Variants in CEACAM19 observed in about 807,000 individuals in gnomAD.
The protein encoded by CEACAM19 is CEA cell adhesion molecule 19, also known as cell adhesion molecule CEACAM19.
In CEACAM19, 37 loss-of-function variants were observed where a neutral mutation model predicts 37.6. The ratio of observed to expected loss-of-function variants is 0.98; its 90% confidence interval spans 0.76 to 1.29. The LOEUF is 1.29. Ranked by LOEUF, CEACAM19 falls within the 50% of genes most tolerant of loss-of-function variation. The probability of loss-of-function intolerance (pLI) is 0.00; values close to 1 mark genes in which losing one functional copy is unlikely to be tolerated. For synonymous variants in CEACAM19, 140 were observed against 149.8 expected, an observed-to-expected ratio of 0.93 and a Z score of 0.48; for missense variants, 340 against 375.6, an observed-to-expected ratio of 0.91 and a Z score of 0.78.
upstream of CEACAM19, among the ~76,000 whole-genome samples, chr19:44,669,939 T>C (rs1973827875): frequency 6.6e-6 from 1 of 152,056 alleles, no homozygotes; most frequent in East Asian, 1.9e-4. Flanking sequence ...GCAGAGGTGG[T>C]CTCAATCATC....
upstream of CEACAM19, among the ~76,000 whole-genome samples, chr19:44,668,751 TA>T (rs1192962020): frequency 0.03 from 2,856 of 96,676 alleles, 465 homozygotes; most frequent in African/African-American, 0.15. Flanking sequence ...TAATATAATA[TA>T]ATATAATATA....
chr19:44,680,683 C>G (rs1371953039), intron 5 of CEACAM19, among the ~76,000 whole-genome samples: 1 of 152,220 alleles, frequency 6.6e-6, no homozygotes, highest in Non-Finnish European at 1.5e-5. Context: ...CAAGGTCTTT[C>G]TAAAATTCTG....
chr19:44,674,746 A>G (rs1312404380), intron 2 of CEACAM19, among the ~76,000 whole-genome samples: 2 of 152,180 alleles, frequency 1.3e-5, no homozygotes, highest in African/African-American at 4.8e-5. Flanking sequence ...GAATAGAAAA[A>G]ATTTTACAGA....
upstream of CEACAM19, among the ~76,000 whole-genome samples, chr19:44,666,674 A>G (rs565422683): frequency 1.3e-5 from 2 of 152,180 alleles, no homozygotes; most frequent in African/African-American, 4.8e-5. Context: ...TGTCAGGTGG[A>G]TTCTGAGGGT....
upstream of CEACAM19, among the ~76,000 whole-genome samples, chr19:44,666,531 G>T (rs1319326306): frequency 1.3e-5 from 2 of 152,158 alleles, no homozygotes; most frequent in East Asian, 1.9e-4. Flanking sequence ...TAAGCCGGGC[G>T]TGGTGGCGTG....
chr19:44,675,613 C>T (rs1973934593), intron 2 of CEACAM19, among the ~76,000 whole-genome samples: 1 of 151,866 alleles, frequency 6.6e-6, no homozygotes, highest in South Asian at 2.1e-4. Context: ...TAGTGACACC[C>T]CTTCTTTACA....
intron 4 of CEACAM19, among the ~76,000 whole-genome samples, chr19:44,679,601 T>C (rs553077593): frequency 2.0e-4 from 31 of 152,088 alleles, no homozygotes; most frequent in Middle Eastern, 3.4e-3. Context: ...TACAAAAAAT[T>C]AGCCGGGCAT....
At chr19:44,681,986 T>A (rs1974069949) in intron 6 of CEACAM19, among the ~76,000 whole-genome samples, 1 of 151,502 alleles carries the variant, frequency 6.6e-6, no homozygotes, top group Non-Finnish European at 1.5e-5. Context: ...CTGGGCATGA[T>A]GGCTCTACAC....
At chr19:44,680,238 C>A (rs113730599) in intron 4 of CEACAM19, 50 bp from the exon 5 acceptor site, 117 of 1,492,378 alleles carry the variant, frequency 7.8e-5, no homozygotes, top group Admixed American at 1.7e-4. Context: ...TCTCTCCCCC[C>A]GCCTGAGTGT....
At chr19:44,674,972 G>A (rs1973920804) in intron 2 of CEACAM19, among the ~76,000 whole-genome samples, 1 of 152,070 alleles carries the variant, frequency 6.6e-6, no homozygotes, top group Non-Finnish European at 1.5e-5. Context: ...GGTGGCCTGG[G>A]TATGATCCCA....
chr19:44,672,645 C>T lies in CEACAM19; in HGVS notation c.105C>T (p.Tyr35=), dbSNP rs367575323. ...TCCAAGGCTCCCAGGCAGCTCTCTA[C>T]ATCCAGAAGATTCCAGAGCAGCCTC... ...WMLQGSQAAL[Y]IQKIPEQPQK... Residue 35 remains tyrosine (Y), a synonymous_variant, in exon 2 of 8, where the codon TAC becomes TAT. Transcript: ENST00000358777. 17 of 1,507,360 alleles carry T rather than the reference C, an allele frequency of 1.1e-5. No homozygotes were observed. Among genetic ancestry groups the T allele is most frequent in the African/African-American group, 4.2e-5 (3 of 71,354 alleles). The allele number at this position is 1,507,360 out of a possible 1,614,324, so 93.4% of individuals were successfully genotyped here. A position where few individuals can be genotyped will look rare whatever the true frequency, so the allele number is the denominator to read the frequency against.
At chr19:44,680,054 TG>T (rs1363291440) in intron 4 of CEACAM19, among the ~76,000 whole-genome samples, 17 of 152,160 alleles carry the variant, frequency 1.1e-4, no homozygotes, top group African/African-American at 4.1e-4. Context: ...TAAATGGTGA[TG>T]TCTGGGGAAC....
Position 44,683,508 on chromosome 19 carries a change from C to A in CEACAM19, c.*18C>A. ...CTTCCTGATGGGTCCTGGGCCAGGC[C>A]AGCCAGGGAGAAGACAAGGCCCCAG... On this transcript the variant is annotated 3_prime_UTR_variant, in exon 8 of 8. Transcript: ENST00000358777. 6.6e-7 allele frequency: 1 copy of A among 1,513,932 alleles called. No individual in the cohort carries two copies. The highest frequency in any genetic ancestry group is 1.4e-5 in the African/African-American group (1 of 72,224). The allele number at this position is 1,513,932 out of a possible 1,614,324, so 93.8% of individuals were successfully genotyped here. A position where few individuals can be genotyped will look rare whatever the true frequency, so the allele number is the denominator to read the frequency against.
Position 44,671,906 on chromosome 19 carries a change from C to T in CEACAM19, c.-26C>T. 1 of 1,595,058 alleles carries T rather than the reference C, an allele frequency of 6.3e-7. No homozygotes were observed. Among genetic ancestry groups the T allele is most frequent in the South Asian group, 1.1e-5 (1 of 88,480 alleles). ...CCCCCTTAGTGTCCAGCTCGTGGCC[C>T]CTTGGCATTTCCACAAGACGCCAAG... On this transcript the variant is annotated 5_prime_UTR_variant, in exon 1 of 8. Transcript: ENST00000358777.
At chr19:44,667,703 T>TTA (rs1491090851), upstream of CEACAM19, among the ~76,000 whole-genome samples, 12 of 79,114 alleles carry the variant, frequency 1.5e-4, no homozygotes, top group East Asian at 1.3e-3. Context: ...ATAATATATA[T>TTA]TATATAAATA....
chr19:44,667,528 CACAT>C (rs1198489930), upstream of CEACAM19, among the ~76,000 whole-genome samples: 3 of 128,892 alleles, frequency 2.3e-5, no homozygotes, highest in East Asian at 2.1e-4. Flanking sequence ...CATATTCATA[CACAT>C]ACATTTTACA....
At chr19:44,679,617 C>A (rs951570715) in intron 4 of CEACAM19, among the ~76,000 whole-genome samples, 2 of 152,086 alleles carry the variant, frequency 1.3e-5, no homozygotes, top group Non-Finnish European at 2.9e-5. Context: ...GGCATGGTGG[C>A]AGGTGCCTGT....
intron 7 of CEACAM19, 29 bp from the exon 8 acceptor site, chr19:44,683,408 T>A: frequency 7.7e-7 from 1 of 1,291,836 alleles, no homozygotes; most frequent in African/African-American, 1.5e-5. Flanking sequence ...CACCCAGTCA[T>A]AATTCTGTTC....
chr19:44,682,903 T>G (rs1974087969), intron 7 of CEACAM19: 1 of 389,026 alleles, frequency 2.6e-6, no homozygotes, highest in African/African-American at 2.1e-5. Context: ...GGGGATTGCC[T>G]GGGGCCACAC....
Sources: allele counts gnomAD v4.1 joint callset (sites outside exome capture counted in the v4.1 genomes callset), GRCh38; gene constraint gnomAD v4.1.1; transcripts MANE v1.5; gene names NCBI Gene and HGNC (gene_info 2026-07-23, HGNC 2026-07-21).